Variants in CDKAL1 observed in about 807,000 individuals in gnomAD.
CDKAL1 encodes CDKAL1 threonylcarbamoyladenosine tRNA methylthiotransferase.
CDKAL1 carries 32 observed loss-of-function variants against 68.2 expected under a neutral mutation model. The ratio of observed to expected loss-of-function variants is 0.47; its 90% confidence interval spans 0.35 to 0.63. The LOEUF is 0.63. Ranked by LOEUF, CDKAL1 falls within the 30% of genes least tolerant of loss-of-function variation. The pLI is 0.00. For missense variants in CDKAL1, 606 were observed against 696.7 expected, an observed-to-expected ratio of 0.87 and a Z score of 1.47; for synonymous variants, 234 against 244.3, an observed-to-expected ratio of 0.96 and a Z score of 0.39.
intron 4 of CDKAL1, 91 bp downstream of exon 4, chr6:20,548,796 C>A: frequency 1.7e-6 from 1 of 599,966 alleles, no homozygotes; most frequent in Non-Finnish European, 2.9e-6. Flanking sequence ...GGTATTTTAG[C>A]ATGACAGTGA....
chr6:20,894,946 TG>T lies in CDKAL1; in HGVS notation c.742+48769del, dbSNP rs1179840755. On this transcript the variant is annotated intron_variant, in intron 9 of 15. Coordinates refer to ENST00000274695, the MANE Select transcript of CDKAL1 (RefSeq NM_017774.3). Reference sequence around the variant, plus strand: ...GTGCTCTTCAGATTCTTTTTGTTTTTGTTTTTTTAATGAAATAATATGTTAC... The same window carrying T: ...GTGCTCTTCAGATTCTTTTTGTTTTTTTTTTTTAATGAAATAATATGTTAC... Among the ~76,000 whole-genome samples the T allele has an allele frequency of 1.6e-3, 245 of 152,284 alleles. 2 individuals carry two copies. The highest frequency in any genetic ancestry group is 3.4e-4 in the African/African-American group (14 of 41,554).
chr6:20,977,161 C>T (rs1765883629), intron 10 of CDKAL1, among the ~76,000 whole-genome samples: 1 of 152,076 alleles, frequency 6.6e-6, no homozygotes, highest in Non-Finnish European at 1.5e-5. Flanking sequence ...TAATTAATAT[C>T]CCTCTTGAAA....
chr6:21,013,905 A>G (rs187990699), intron 11 of CDKAL1, among the ~76,000 whole-genome samples: 1 of 152,344 alleles, frequency 6.6e-6, no homozygotes, highest in Admixed American at 6.5e-5. Context: ...AAAGAAAAGA[A>G]AAGCTTAAGA....
At chr6:21,140,500 A>G (rs1158122664) in intron 13 of CDKAL1, among the ~76,000 whole-genome samples, 1 of 152,168 alleles carries the variant, frequency 6.6e-6, no homozygotes, top group Non-Finnish European at 1.5e-5. Flanking sequence ...GCATGTTTTT[A>G]AGAGACTTGC....
chr6:20,589,444 A>G (rs976872456), intron 4 of CDKAL1, among the ~76,000 whole-genome samples: 5 of 152,218 alleles, frequency 3.3e-5, no homozygotes, highest in Admixed American at 3.3e-4. Flanking sequence ...CTGAAAGCCA[A>G]TGAAATTGAA....
intron 13 of CDKAL1, among the ~76,000 whole-genome samples, chr6:21,195,867 C>T (rs532103421): frequency 6.6e-6 from 1 of 152,192 alleles, no homozygotes; most frequent in South Asian, 2.1e-4. Context: ...TAGGATGACT[C>T]CTCAGTTGAG....
chr6:21,045,594 T>C (rs1770181151), intron 11 of CDKAL1, among the ~76,000 whole-genome samples: 1 of 152,202 alleles, frequency 6.6e-6, no homozygotes, highest in Non-Finnish European at 1.5e-5. Flanking sequence ...ACAGATGTGT[T>C]ATCTGGTGAG....
intron 8 of CDKAL1, among the ~76,000 whole-genome samples, chr6:20,816,637 A>G (rs1214024538): frequency 1.3e-5 from 2 of 152,204 alleles, no homozygotes; most frequent in African/African-American, 4.8e-5. Context: ...ATATGTTTTC[A>G]GACCCAAATT....
intron 9 of CDKAL1, among the ~76,000 whole-genome samples, chr6:20,871,310 A>G (rs1010165799): frequency 1.3e-5 from 2 of 152,184 alleles, no homozygotes; most frequent in Non-Finnish European, 2.9e-5. Flanking sequence ...ATTTCAAAGT[A>G]TTGTATATTT....
At position 21,006,162 on chromosome 6, in the gene CDKAL1, A is replaced by C. The variant is rs570086599; in HGVS notation, c.1055+5790A>C. Among the ~76,000 whole-genome samples the C allele has an allele frequency of 7.2e-5, 11 of 152,254 alleles. No homozygotes were observed. The South Asian group carries it at 1.9e-3, about 26-fold the overall frequency. On this transcript the variant is annotated intron_variant, in intron 11 of 15. Transcript: ENST00000274695. ...TTCCTATCATTAGTCCTGGTCATTC[A>C]TGTGTGCTTATTGGAACACAATCTG...
chr6:20,604,724 GA>G (rs1046724447), intron 4 of CDKAL1, among the ~76,000 whole-genome samples: 4 of 152,174 alleles, frequency 2.6e-5, no homozygotes, highest in African/African-American at 9.7e-5. Context: ...AATGCTAATT[GA>G]AAGGCAGTAC....
chr6:20,567,918 C>T (rs1219027187), intron 4 of CDKAL1, among the ~76,000 whole-genome samples: 1 of 151,854 alleles, frequency 6.6e-6, no homozygotes, highest in Non-Finnish European at 1.5e-5. Flanking sequence ...CTCTGTCGCC[C>T]AGGCTGGAGT....
At chr6:21,012,282 G>T (rs949406463) in intron 11 of CDKAL1, among the ~76,000 whole-genome samples, 4 of 152,190 alleles carry the variant, frequency 2.6e-5, no homozygotes, top group African/African-American at 4.8e-5. Flanking sequence ...CCTTTAAAGA[G>T]TCTCTTGGAA....
chr6:21,150,159 G>A (rs1374954961), intron 13 of CDKAL1, among the ~76,000 whole-genome samples: 5 of 152,056 alleles, frequency 3.3e-5, no homozygotes, highest in African/African-American at 1.2e-4. Flanking sequence ...CACCTGGCCT[G>A]TCCTGAACGT....
chr6:20,633,547 C>G (rs186694104), intron 4 of CDKAL1, among the ~76,000 whole-genome samples: 7 of 152,248 alleles, frequency 4.6e-5, no homozygotes, highest in Non-Finnish European at 8.8e-5. Flanking sequence ...GGGGTATATA[C>G]TTAGGAGAGG....
chr6:20,583,123 A>G (rs1765203648), intron 4 of CDKAL1, among the ~76,000 whole-genome samples: 1 of 152,192 alleles, frequency 6.6e-6, no homozygotes, highest in South Asian at 2.1e-4. Flanking sequence ...GCCAGCTAAC[A>G]TCTCTTAGCG....
At chr6:20,781,293 A>T (rs745909973) in intron 8 of CDKAL1, 28 bp downstream of exon 8, 1 of 1,566,896 alleles carries the variant, frequency 6.4e-7, no homozygotes, top group East Asian at 2.3e-5. Flanking sequence ...TTGCTCATAA[A>T]ATATTCAATA....
chr6:20,746,390 A>C (rs1261073965), intron 6 of CDKAL1, among the ~76,000 whole-genome samples: 3 of 152,228 alleles, frequency 2.0e-5, no homozygotes, highest in African/African-American at 7.2e-5. Flanking sequence ...ATTAAAGTTA[A>C]ATCACACATA....
intron 5 of CDKAL1, among the ~76,000 whole-genome samples, chr6:20,697,465 A>G (rs1771156134): frequency 6.6e-6 from 1 of 152,176 alleles, no homozygotes; most frequent in Admixed American, 6.5e-5. Flanking sequence ...GAACATATAC[A>G]TTGTATAATT....
Sources: gnomAD v4.1 joint callset for allele counts (sites outside exome capture counted in the v4.1 genomes callset) on GRCh38, gnomAD v4.1.1 for gene constraint, MANE v1.5 for transcripts, NCBI Gene and HGNC (gene_info 2026-07-23, HGNC 2026-07-21) for gene names.